DCLRE1C: variants seen among roughly 807,000 people sequenced by gnomAD.
DCLRE1C encodes the protein protein artemis.
In DCLRE1C, 47 loss-of-function variants were observed where a neutral mutation model predicts 61.4. The observed-to-expected ratio is 0.77, with a 90% CI of 0.61 to 0.98. DCLRE1C has a LOEUF of 0.98. DCLRE1C is among the 50% of genes least tolerant of loss of function. DCLRE1C has a pLI of 0.00. For missense variants in DCLRE1C, 858 were observed against 816.0 expected (o/e 1.05, Z -0.63); for synonymous variants, 337 against 287.6 (o/e 1.17, Z -1.74).
intron 3 of DCLRE1C, among the ~76,000 whole-genome samples, chr10:14,941,550 G>A (rs779819362): frequency 6.6e-6 from 1 of 152,194 alleles, no homozygotes; most frequent in Non-Finnish European, 1.5e-5. Flanking sequence ...GCCTCCCGAA[G>A]TGCTAGGACT....
At chr10:14,946,768 C>T (rs1259933032) in intron 2 of DCLRE1C, among the ~76,000 whole-genome samples, 3 of 152,046 alleles carry the variant, frequency 2.0e-5, no homozygotes, top group Non-Finnish European at 4.4e-5. Context: ...CAGCACATGC[C>T]ACCACACCTG....
intron 1 of DCLRE1C, among the ~76,000 whole-genome samples, chr10:14,953,518 T>C (rs1159761326): frequency 6.6e-6 from 1 of 151,988 alleles, no homozygotes; most frequent in Non-Finnish European, 1.5e-5. Flanking sequence ...GTCTCCTGCT[T>C]GCTGACCAAT....
chr10:14,954,381 C>G, upstream of DCLRE1C: 2 of 364,514 alleles, frequency 5.5e-6, no homozygotes, highest in South Asian at 5.0e-5. Flanking sequence ...TGGCCCCAGC[C>G]GACGAGGTGA....
At chr10:14,926,411 T>C (rs1401121885) in intron 11 of DCLRE1C, among the ~76,000 whole-genome samples, 2 of 151,998 alleles carry the variant, frequency 1.3e-5, no homozygotes, top group African/African-American at 4.8e-5. Context: ...ACCCAGCACT[T>C]TGGGAGGCCA....
chr10:14,911,572 T>C (rs1835265196), intron 13 of DCLRE1C, among the ~76,000 whole-genome samples: 1 of 152,150 alleles, frequency 6.6e-6, no homozygotes, highest in Admixed American at 6.5e-5. Context: ...TTGGATCAAA[T>C]AGTTTCTTAG....
Position 14,937,281 on chromosome 10 carries a change from CTTTTTT to C in DCLRE1C, c.307-694_307-689del, listed in dbSNP as rs1162058273. Among the ~76,000 whole-genome samples the C allele has an allele frequency of 4.5e-5, 5 of 110,596 alleles. No homozygotes were observed. In the East Asian group the frequency reaches 1.0e-3, roughly 23 times the overall value. The allele number at this position is 110,596 out of a possible 152,430, so 72.6% of individuals were successfully genotyped here. A position where few individuals can be genotyped will look rare whatever the true frequency, so the allele number is the denominator to read the frequency against. ...ATTTCTATCTCAATAAAGCTATTTA[CTTTTTT>C]TTTTTTTTTTTTTTTTGAGATGGAG... On this transcript the variant is annotated intron_variant, in intron 4 of 13. Coordinates refer to ENST00000378278, the MANE Select transcript of DCLRE1C (RefSeq NM_001033855.3).
chr10:14,937,716 C>T (rs1840178319), intron 4 of DCLRE1C, among the ~76,000 whole-genome samples: 3 of 151,856 alleles, frequency 2.0e-5, no homozygotes, highest in South Asian at 2.1e-4. Flanking sequence ...CATGGCGAAA[C>T]CCTGTCTCTA....
At chr10:14,933,435 G>A (rs947148968) in intron 8 of DCLRE1C, among the ~76,000 whole-genome samples, 11 of 152,010 alleles carry the variant, frequency 7.2e-5, no homozygotes, top group African/African-American at 1.9e-4. Flanking sequence ...TCAGGAGATC[G>A]AGACCAGCCT....
chr10:14,941,143 G>C (rs150348941), intron 3 of DCLRE1C, among the ~76,000 whole-genome samples: 797 of 152,272 alleles, frequency 5.2e-3, no homozygotes, highest in African/African-American at 0.018. Context: ...CTCCCAAAGT[G>C]CTGCGATTAC....
intron 5 of DCLRE1C, 102 bp downstream of exon 5, chr10:14,936,436 C>T: frequency 1.1e-6 from 1 of 902,608 alleles, no homozygotes; most frequent in Non-Finnish European, 1.8e-6. Flanking sequence ...ACATGTGCCA[C>T]TGCACCCAGC....
downstream of DCLRE1C, among the ~76,000 whole-genome samples, chr10:14,899,889 A>G (rs1275811716): frequency 2.0e-5 from 3 of 152,336 alleles, no homozygotes; most frequent in South Asian, 4.1e-4. Context: ...CCAAATATTA[A>G]TAGGGTGTAT....
intron 1 of DCLRE1C, among the ~76,000 whole-genome samples, chr10:14,953,379 G>C (rs936152459): frequency 1.3e-4 from 20 of 152,072 alleles, no homozygotes; most frequent in Admixed American, 1.3e-3. Context: ...ATCTAGAAGG[G>C]AAACATCCCT....
rs916569879 is a variant in DCLRE1C, at chr10:14,931,233, T to A, written c.780+1621A>T. On this transcript the variant is annotated intron_variant, in intron 9 of 13. Coordinates refer to ENST00000378278, the MANE Select transcript of DCLRE1C (RefSeq NM_001033855.3). ...CAAAATGAAAGTCTTGTACTCAGCG[T>A]TTGACAAGAGAAGGAGGTTCTGTGT... Among the ~76,000 whole-genome samples the A allele has an allele frequency of 2.0e-5, 3 of 152,166 alleles. No homozygotes were observed. The South Asian group carries it at 6.2e-4, about 32-fold the overall frequency.
At chr10:14,920,331 G>T in intron 12 of DCLRE1C, 2 of 957,196 alleles carry the variant, frequency 2.1e-6, no homozygotes, top group Non-Finnish European at 2.5e-6. Flanking sequence ...AAGACAAAGT[G>T]GAGATAAAAT....
chr10:14,947,055 A>G (rs185041058), intron 2 of DCLRE1C, among the ~76,000 whole-genome samples: 20 of 151,422 alleles, frequency 1.3e-4, no homozygotes, highest in East Asian at 9.7e-4. Flanking sequence ...CTACTGAAAA[A>G]TAAAAAATTA....
intron 9 of DCLRE1C, among the ~76,000 whole-genome samples, chr10:14,931,995 C>G (rs906404212): frequency 6.6e-6 from 1 of 152,036 alleles, no homozygotes; most frequent in African/African-American, 2.4e-5. Flanking sequence ...GATGGCCCCA[C>G]TGCACTCCAA....
At chr10:14,899,518 CT>C in intron 13 of DCLRE1C, 1 of 1,612,748 alleles carries the variant, frequency 6.2e-7, no homozygotes, top group Non-Finnish European at 8.5e-7. Flanking sequence ...ACGTAATATA[CT>C]TACAGTTTTT....
intron 3 of DCLRE1C, among the ~76,000 whole-genome samples, chr10:14,944,031 A>C (rs796264312): frequency 5.3e-5 from 8 of 152,260 alleles, no homozygotes; most frequent in African/African-American, 1.9e-4. Context: ...ATTCTGCCAG[A>C]CCGAAAGTTA....
chr10:14,936,918 G>A (rs981629888), intron 4 of DCLRE1C, among the ~76,000 whole-genome samples: 18 of 152,176 alleles, frequency 1.2e-4, no homozygotes, highest in African/African-American at 3.9e-4. Context: ...ATGTCTATCA[G>A]CTGATGCATC....
Sources: gnomAD v4.1 joint callset for allele counts (sites outside exome capture counted in the v4.1 genomes callset) on GRCh38, gnomAD v4.1.1 for gene constraint, MANE v1.5 for transcripts, NCBI Gene and HGNC (gene_info 2026-07-23, HGNC 2026-07-21) for gene names.